DYRK1A: variants seen among roughly 807,000 people sequenced by gnomAD.
DYRK1A encodes dual specificity tyrosine phosphorylation regulated kinase 1A.
Under a neutral mutation model 79.7 loss-of-function variants are expected in DYRK1A, and 9 were observed. The ratio of observed to expected loss-of-function variants is 0.11; its 90% CI spans 0.07 to 0.20. The LOEUF is 0.20. Among genes scored for constraint, DYRK1A ranks in the 10% least tolerant of loss-of-function variants. DYRK1A has a pLI of 1.00. For missense variants in DYRK1A, 622 were observed against 956.0 expected, an observed-to-expected ratio of 0.65 and a Z score of 4.61; for synonymous variants, 349 against 329.7, an observed-to-expected ratio of 1.06 and a Z score of -0.63.
intron 9 of DYRK1A, chr21:37,504,666 G>A (rs945772319): frequency 1.3e-5 from 2 of 152,166 alleles, no homozygotes; most frequent in East Asian, 3.9e-4. Flanking sequence ...CTCAACACAC[G>A]TTAGTTTATT....
chr21:37,451,106 G>A (rs2051432465), intron 2 of DYRK1A, among the ~76,000 whole-genome samples: 1 of 152,090 alleles, frequency 6.6e-6, no homozygotes, highest in South Asian at 2.1e-4. Context: ...GAATAAGAAT[G>A]TAAAGAAAGA....
chr21:37,417,538 T>TTCTTTC (rs372913876), intron 1 of DYRK1A, among the ~76,000 whole-genome samples: 3 of 99,896 alleles, frequency 3.0e-5, no homozygotes, highest in African/African-American at 1.1e-4. Flanking sequence ...TCTTTTTTTT[T>TTCTTTC]TTTTTTTTTT....
chr21:37,396,118 C>T (rs1042408875), intron 1 of DYRK1A, among the ~76,000 whole-genome samples: 1 of 152,082 alleles, frequency 6.6e-6, no homozygotes, highest in African/African-American at 2.4e-5. Flanking sequence ...GTCCCTGTGC[C>T]CTTGTCCTCT....
At chr21:37,490,512 G>C (rs2053050655) in intron 7 of DYRK1A, 51 bp downstream of exon 7, 1 of 1,552,140 alleles carries the variant, frequency 6.4e-7, no homozygotes. Flanking sequence ...AATAGAAGTA[G>C]GTAGGACAGT....
rs377172418 is a variant in DYRK1A at position 37,511,057 on chromosome 21, G to A, written c.1645-854G>A. Reference sequence around the variant, plus strand: ...ATCCAAGAAATAACATTTCTAGGCAGAAGGGAGCAGCGTGTTACTAGTACA... The same window carrying A: ...ATCCAAGAAATAACATTTCTAGGCAAAAGGGAGCAGCGTGTTACTAGTACA... On this transcript the variant is annotated intron_variant, in intron 11 of 11. Coordinates refer to ENST00000647188, the MANE Select transcript of DYRK1A (RefSeq NM_001347721.2). Among the ~76,000 whole-genome samples, 121 of 152,310 alleles carry A rather than the reference G, an allele frequency of 7.9e-4. 5 individuals carry two copies. The South Asian group carries it at 0.023, about 29-fold the overall frequency.
chr21:37,390,970 G>T (rs1345851785), intron 1 of DYRK1A, among the ~76,000 whole-genome samples: 1 of 152,184 alleles, frequency 6.6e-6, no homozygotes, highest in Non-Finnish European at 1.5e-5. Context: ...TGATTTTAGA[G>T]TGTTACCCTC....
intron 1 of DYRK1A, among the ~76,000 whole-genome samples, chr21:37,372,621 G>A (rs1426279366): frequency 3.3e-5 from 5 of 152,110 alleles, no homozygotes; most frequent in Non-Finnish European, 7.4e-5. Context: ...TTGGCTGTGT[G>A]ACTTTAGGTA....
At chr21:37,377,115 T>TA (rs1233262403) in intron 1 of DYRK1A, among the ~76,000 whole-genome samples, 1 of 152,048 alleles carries the variant, frequency 6.6e-6, no homozygotes, top group African/African-American at 2.4e-5. Flanking sequence ...AACTTAAGCT[T>TA]TTTATTTATT....
chr21:37,403,171 T>C (rs1299662496), intron 1 of DYRK1A, among the ~76,000 whole-genome samples: 1 of 152,188 alleles, frequency 6.6e-6, no homozygotes, highest in Non-Finnish European at 1.5e-5. Flanking sequence ...GCCCTTTGGT[T>C]ATTATGTTAT....
At chr21:37,484,476 C>T (rs190057575) in intron 5 of DYRK1A, among the ~76,000 whole-genome samples, 123 of 151,752 alleles carry the variant, frequency 8.1e-4, no homozygotes, top group African/African-American at 2.9e-3. Flanking sequence ...TTGCAGGTGC[C>T]CCCCACCACA....
intron 1 of DYRK1A, among the ~76,000 whole-genome samples, chr21:37,395,589 G>C (rs2148393226): frequency 6.6e-6 from 1 of 152,102 alleles, no homozygotes. Context: ...TTTCTCTCCT[G>C]GGGATGGGAT....
intron 2 of DYRK1A, 65 bp from the exon 3 acceptor site, chr21:37,472,619 T>TA: frequency 1.5e-6 from 2 of 1,319,554 alleles, no homozygotes; most frequent in Non-Finnish European, 2.0e-6. Flanking sequence ...AACCATTAGA[T>TA]ATGTCAAATG....
chr21:37,479,617 T>G (rs1325957465), intron 4 of DYRK1A, among the ~76,000 whole-genome samples: 8 of 95,116 alleles, frequency 8.4e-5, no homozygotes, highest in African/African-American at 3.7e-4. Context: ...TTTTTGTTTT[T>G]TGTTTTTTTT....
chr21:37,458,820 G>T (rs1180674488), intron 2 of DYRK1A, among the ~76,000 whole-genome samples: 2 of 152,210 alleles, frequency 1.3e-5, no homozygotes, highest in Non-Finnish European at 2.9e-5. Flanking sequence ...AGGGCATTTT[G>T]AGCAGCTGGA....
chr21:37,379,841 G>A (rs984315216), intron 1 of DYRK1A, among the ~76,000 whole-genome samples: 3 of 152,090 alleles, frequency 2.0e-5, no homozygotes, highest in African/African-American at 7.2e-5. Context: ...TTATCTTGTG[G>A]AGTGATAGAA....
At chr21:37,485,220 G>C (rs2052812795) in intron 5 of DYRK1A, among the ~76,000 whole-genome samples, 1 of 152,072 alleles carries the variant, frequency 6.6e-6, no homozygotes, top group Non-Finnish European at 1.5e-5. Flanking sequence ...TAGATACTTG[G>C]GCCCACATGA....
chr21:37,485,229 G>T (rs572733543), intron 5 of DYRK1A, among the ~76,000 whole-genome samples: 60 of 152,304 alleles, frequency 3.9e-4, no homozygotes, highest in Admixed American at 9.2e-4. Context: ...GGGCCCACAT[G>T]AGTGTCCTTT....
At chr21:37,497,044 CCACA>C (rs1024299424) in intron 9 of DYRK1A, among the ~76,000 whole-genome samples, 2 of 151,996 alleles carry the variant, frequency 1.3e-5, no homozygotes, top group Non-Finnish European at 2.9e-5. Flanking sequence ...AATATGACCC[CCACA>C]CACACATGTA....
At chr21:37,496,772 C>T (rs1264437205) in intron 9 of DYRK1A, among the ~76,000 whole-genome samples, 1 of 152,046 alleles carries the variant, frequency 6.6e-6, no homozygotes. Flanking sequence ...AGATTCCTAG[C>T]TCATTGACTT....
Sources: allele counts gnomAD v4.1 joint callset (sites outside exome capture counted in the v4.1 genomes callset), GRCh38; gene constraint gnomAD v4.1.1; transcripts MANE v1.5; gene names NCBI Gene and HGNC (gene_info 2026-07-23, HGNC 2026-07-21).